The following CSNK1D variants were observed in gnomAD, a reference collection of about 807,000 sequenced individuals.
The protein encoded by CSNK1D is casein kinase 1 delta.
CSNK1D carries 16 observed loss-of-function variants against 46.6 expected under a neutral mutation model. The observed-to-expected ratio is 0.34, with a 90% CI of 0.23 to 0.52. CSNK1D has a LOEUF of 0.52. CSNK1D is among the 20% of genes least tolerant of loss of function. The pLI is 0.95. For missense variants in CSNK1D, 398 were observed against 578.4 expected, an observed-to-expected ratio of 0.69 and a Z score of 3.20; for synonymous variants, 276 against 228.2, an observed-to-expected ratio of 1.21 and a Z score of -1.89.
downstream of CSNK1D, chr17:82,239,791 T>C: frequency 2.5e-6 from 1 of 398,306 alleles, no homozygotes; most frequent in South Asian, 1.4e-4. Context: ...CCTTCCCTTT[T>C]TCGCCCCTCT....
chr17:82,272,375 A>C (rs1421906387), intron 1 of CSNK1D: 2 of 152,320 alleles, frequency 1.3e-5, no homozygotes, highest in East Asian at 3.9e-4. Context: ...AAACTTGAAG[A>C]TTTAAGCCAA....
In CSNK1D at chr17:82,249,344, A is replaced by T; in HGVS notation, c.1057+87T>A. The T allele has an allele frequency of 7.4e-7, 1 of 1,354,358 alleles. No individual in the cohort carries two copies. The highest frequency in any genetic ancestry group is 2.5e-5 in the East Asian group (1 of 40,094). The allele number at this position is 1,354,358 out of a possible 1,614,324, so 83.9% of individuals were successfully genotyped here. A position where few individuals can be genotyped will look rare whatever the true frequency, so the allele number is the denominator to read the frequency against. ...TGACACAGGGCACTTAGTGTCCACC[A>T]CCAAGTACCCTGTTGTCCCCACCAA... is the stretch of plus-strand genomic sequence containing the variant. On this transcript the variant is annotated intron_variant, in intron 7 of 8. Transcript: ENST00000314028. The surrounding 1 kb of genome is among the most constrained non-coding windows in gnomAD (Gnocchi z 6.7).
rs922471764 is a variant in CSNK1D, at chr17:82,253,693, G to A, written c.337-449C>T. ...AAGGTGGCCTCCAAGCCAGTGAGCT[G>A]AGCCACCAGAGCCTCGAGAAGCCAG... On this transcript the variant is annotated intron_variant, in intron 3 of 8. Transcript: ENST00000314028. 4 of 344,984 alleles carry A rather than the reference G, an allele frequency of 1.2e-5. No individual in the cohort carries two copies. In the Admixed American group the frequency reaches 1.7e-4, roughly 15 times the overall value. 21.4% of individuals were successfully genotyped at this position (344,984 alleles called of 1,614,324 possible).
At chr17:82,253,671 G>A (rs961409628) in intron 3 of CSNK1D, 6 of 348,888 alleles carry the variant, frequency 1.7e-5, no homozygotes, top group African/African-American at 1.3e-4. Context: ...TACCGAGAAG[G>A]TGGCCTCCAA....
chr17:82,242,083 A>T (rs894327655), downstream of CSNK1D, among the ~76,000 whole-genome samples: 1 of 120,232 alleles, frequency 8.3e-6, no homozygotes, highest in Non-Finnish European at 1.8e-5. Context: ...GGGAGCTGGG[A>T]GGGGAGGCGG....
chr17:82,246,692 G>C lies in CSNK1D; in HGVS notation c.1198-1861C>G, dbSNP rs1326685598. The C allele has an allele frequency of 8.0e-6, 8 of 994,516 alleles. No homozygotes were observed. In the African/African-American group the frequency reaches 1.2e-4, roughly 15 times the overall value. 61.6% of individuals were successfully genotyped at this position (994,516 alleles called of 1,614,324 possible). ...TGACCTACAGGCAGGCTGCCACGTG[G>C]TCTTCCACCCATCCACACCCAGCCA... On this transcript the variant is annotated intron_variant, in intron 8 of 8. Coordinates refer to ENST00000314028, the MANE Select transcript of CSNK1D (RefSeq NM_001893.6).
At chr17:82,240,496 G>C (rs932260924), downstream of CSNK1D, among the ~76,000 whole-genome samples, 1 of 152,172 alleles carries the variant, frequency 6.6e-6, no homozygotes, top group Non-Finnish European at 1.5e-5. Flanking sequence ...GAGTGACCTG[G>C]GCTTACAGAG....
intron 8 of CSNK1D, chr17:82,245,114 G>A: frequency 1.7e-6 from 1 of 581,482 alleles, no homozygotes; most frequent in Non-Finnish European, 3.1e-6. Flanking sequence ...GGAGACGGGT[G>A]CTCCTGCCTC....
rs1217712215 is a variant in CSNK1D, at chr17:82,273,425, T to G, written c.-44A>C. The G allele has an allele frequency of 6.2e-7, 1 of 1,607,138 alleles. No homozygotes were observed. The highest frequency in any genetic ancestry group is 8.5e-7 in the Non-Finnish European group (1 of 1,177,776). ...CGCTCCTGCCCTCCCGGCCGCTTCC[T>G]GGGTCTGAACTCTGGGAGGCGGCGC... On this transcript the variant is annotated 5_prime_UTR_variant, in exon 1 of 9. Transcript: ENST00000314028. This position sits in a 1 kb window ranked among gnomAD's most constrained non-coding sequence, Gnocchi z 5.1.
Position 82,251,370 on chromosome 17 carries a change from G to A in CSNK1D, c.885+9C>T. On this transcript the variant is annotated intron_variant, in intron 6 of 8. Transcript: ENST00000314028. This position sits in a 1 kb window ranked among gnomAD's most constrained non-coding sequence, Gnocchi z 4.5. ...CACACTCAGCGAACGTGCTGGCAGT[G>A]CGACTTACAAATTTGAGCATGTTCC... 1 of 1,614,030 alleles carries A rather than the reference G, an allele frequency of 6.2e-7. No individual in the cohort carries two copies. The highest frequency in any genetic ancestry group is 8.5e-7 in the Non-Finnish European group (1 of 1,179,982).
In CSNK1D at chr17:82,248,432, A is replaced by G; in HGVS notation, c.1197+443T>C. Reference sequence around the variant, plus strand: ...AGGGCATGCCACCAGGGAGGGTCTCACAAGAAGCCCGTGGAGGTCCCTACG... The same window carrying G: ...AGGGCATGCCACCAGGGAGGGTCTCGCAAGAAGCCCGTGGAGGTCCCTACG... On this transcript the variant is annotated intron_variant, in intron 8 of 8. Coordinates refer to ENST00000314028, the MANE Select transcript of CSNK1D (RefSeq NM_001893.6). This position sits in a 1 kb window ranked among gnomAD's most constrained non-coding sequence, Gnocchi z 4.1. The G allele has an allele frequency of 9.8e-7, 1 of 1,022,454 alleles. No individual in the cohort carries two copies. Among genetic ancestry groups the G allele is most frequent in the Middle Eastern group, 5.0e-4 (1 of 2,006 alleles). 63.3% of individuals were successfully genotyped at this position (1,022,454 alleles called of 1,614,324 possible).
chr17:82,267,612 A>G (rs927212649), intron 1 of CSNK1D, among the ~76,000 whole-genome samples: 12 of 152,204 alleles, frequency 7.9e-5, no homozygotes, highest in African/African-American at 2.9e-4. Context: ...TCCTGCCTAC[A>G]GTTGGGACAG....
At position 82,249,219 on chromosome 17, in the gene CSNK1D, A is replaced by T. The variant is rs1166375182; in HGVS notation, c.1058-205T>A. 1 of 767,684 alleles carries T rather than the reference A, an allele frequency of 1.3e-6. No homozygotes were observed. Among genetic ancestry groups the T allele is most frequent in the Non-Finnish European group, 2.1e-6 (1 of 486,254 alleles). The allele number at this position is 767,684 out of a possible 1,614,324, so 47.6% of individuals were successfully genotyped here. A position where few individuals can be genotyped will look rare whatever the true frequency, so the allele number is the denominator to read the frequency against. Reference sequence around the variant, plus strand: ...GAGGTCAAGGGGCTCACAGGGGAGGAACGTGAGATGCGGGAGGAATCACGC... The same window carrying T: ...GAGGTCAAGGGGCTCACAGGGGAGGTACGTGAGATGCGGGAGGAATCACGC... On this transcript the variant is annotated intron_variant, in intron 7 of 8. Transcript: ENST00000314028. The surrounding 1 kb of genome is among the most constrained non-coding windows in gnomAD (Gnocchi z 6.7).
At chr17:82,262,917 C>A (rs1195019060) in intron 2 of CSNK1D, among the ~76,000 whole-genome samples, 1 of 152,236 alleles carries the variant, frequency 6.6e-6, no homozygotes, top group Non-Finnish European at 1.5e-5. Context: ...CGATGGCTCA[C>A]GCCTATAATC....
intron 3 of CSNK1D, among the ~76,000 whole-genome samples, chr17:82,254,913 CCA>C (rs2051131510): frequency 1.5e-5 from 2 of 135,804 alleles, no homozygotes; most frequent in African/African-American, 2.7e-5. Flanking sequence ...GCCGGGGCCT[CCA>C]GAAGCCAGTG....
intron 2 of CSNK1D, among the ~76,000 whole-genome samples, chr17:82,263,797 C>G (rs1367541628): frequency 2.0e-5 from 3 of 152,268 alleles, no homozygotes; most frequent in Non-Finnish European, 2.9e-5. Context: ...CCCCGCACCA[C>G]CCTGCTCTAT....
Position 82,245,917 on chromosome 17 carries a change from G to A in CSNK1D, c.1198-1086C>T, listed in dbSNP as rs1415748848. ...CCACCTGCAAGCTCCCATGGGTGGG[G>A]CATGGTGGCTCCCACCCACCTGGCG... On this transcript the variant is annotated intron_variant, in intron 8 of 8. Transcript: ENST00000314028. The A allele has an allele frequency of 4.6e-6, 7 of 1,516,172 alleles. No individual in the cohort carries two copies. In the East Asian group the frequency reaches 9.7e-5, roughly 21 times the overall value. 93.9% of individuals were successfully genotyped at this position (1,516,172 alleles called of 1,614,324 possible). A position where few individuals can be genotyped will look rare whatever the true frequency, so the allele number is the denominator to read the frequency against.
At chr17:82,268,096 C>G (rs1193154771) in intron 1 of CSNK1D, among the ~76,000 whole-genome samples, 1 of 152,226 alleles carries the variant, frequency 6.6e-6, no homozygotes, top group African/African-American at 2.4e-5. Context: ...GAACCGACAC[C>G]AAGGTCGCCC....
chr17:82,249,341 A>C lies in CSNK1D; in HGVS notation c.1057+90T>G, dbSNP rs2050936048. The C allele has an allele frequency of 1.1e-5, 14 of 1,304,830 alleles. No homozygotes were observed. Among genetic ancestry groups the C allele is most frequent in the Non-Finnish European group, 1.5e-5 (14 of 938,090 alleles). 80.8% of individuals were successfully genotyped at this position (1,304,830 alleles called of 1,614,324 possible). On this transcript the variant is annotated intron_variant, in intron 7 of 8. Coordinates refer to ENST00000314028, the MANE Select transcript of CSNK1D (RefSeq NM_001893.6). The surrounding 1 kb of genome is among the most constrained non-coding windows in gnomAD (Gnocchi z 6.7). ...GCCTGACACAGGGCACTTAGTGTCCACCACCAAGTACCCTGTTGTCCCCAC... is the reference window on the plus strand; with the variant it reads ...GCCTGACACAGGGCACTTAGTGTCCCCCACCAAGTACCCTGTTGTCCCCAC...
Sources: gnomAD v4.1 joint callset for allele counts (sites outside exome capture counted in the v4.1 genomes callset) on GRCh38, gnomAD v4.1.1 for gene constraint, Gnocchi (gnomAD v3.1) non-coding constraint, MANE v1.5 for transcripts, NCBI Gene and HGNC (gene_info 2026-07-23, HGNC 2026-07-21) for gene names.